CDKL1: variants seen among roughly 807,000 people sequenced by gnomAD.
CDKL1 encodes the protein cyclin-dependent kinase-like 1.
A neutral mutation model predicts 42.0 loss-of-function variants in CDKL1; 41 were observed. The observed-to-expected ratio is 0.98, with a 90% confidence interval of 0.76 to 1.27. The LOEUF is 1.27. Among genes scored for constraint, CDKL1 ranks in the 50% most tolerant of loss-of-function variants. The pLI is 0.00. For missense variants in CDKL1, 394 were observed against 428.4 expected (o/e 0.92, Z 0.71); for synonymous variants, 153 against 158.6 (o/e 0.96, Z 0.26).
At position 50,329,022 on chromosome 14, in the gene CDKL1, AGTT is replaced by A. The variant is rs1370041471; in HGVS notation, c.*1049_*1051del. ...TTTGGACTACTTAGTGTAATATATT[AGTT>A]GTTAGAATAGCATATATATATATAT... is the stretch of plus-strand genomic sequence containing the variant. On this transcript the variant is annotated 3_prime_UTR_variant, in exon 10 of 10. Coordinates refer to ENST00000395834, the MANE Select transcript of CDKL1 (RefSeq NM_004196.7). The A allele has an allele frequency of 7.2e-6, 1 of 139,212 alleles. No homozygotes were observed. Among genetic ancestry groups the A allele is most frequent in the Non-Finnish European group, 1.5e-5 (1 of 65,818 alleles). 8.6% of individuals were successfully genotyped at this position (139,212 alleles called of 1,614,324 possible).
intron 9 of CDKL1, chr14:50,331,232 CA>C (rs1275059821): frequency 2.0e-5 from 3 of 151,824 alleles, no homozygotes; most frequent in Non-Finnish European, 4.4e-5. Context: ...GACTCAGTCT[CA>C]AAAAAAATCA....
chr14:50,362,056 G>A (rs774056298), intron 2 of CDKL1: 114 of 223,158 alleles, frequency 5.1e-4, no homozygotes, highest in Non-Finnish European at 5.5e-4. Flanking sequence ...GCAGTGAGGG[G>A]CTTAGCACCT....
chr14:50,388,877 A>G (rs2035165016), intron 2 of CDKL1, among the ~76,000 whole-genome samples: 1 of 152,034 alleles, frequency 6.6e-6, no homozygotes, highest in Admixed American at 6.6e-5. Flanking sequence ...AGGGAGGCGG[A>G]TCATGAGATC....
chr14:50,340,306 C>A (rs2033465682), intron 6 of CDKL1, among the ~76,000 whole-genome samples: 1 of 152,158 alleles, frequency 6.6e-6, no homozygotes, highest in South Asian at 2.1e-4. Context: ...TTTACAGTAT[C>A]TTTGGGAAGA....
intron 8 of CDKL1, 136 bp downstream of exon 8, chr14:50,334,429 G>A (rs535081185): frequency 8.8e-6 from 6 of 684,508 alleles, no homozygotes; most frequent in African/African-American, 3.6e-5. Flanking sequence ...GATTACAGGT[G>A]TGAGCCACTG....
intron 2 of CDKL1, chr14:50,378,080 A>C: frequency 5.3e-6 from 6 of 1,138,228 alleles, no homozygotes; most frequent in Non-Finnish European, 7.0e-6. Context: ...ATCTACGAGA[A>C]AGAGCCTGAG....
At chr14:50,337,410 G>A (rs1374903089) in intron 7 of CDKL1, among the ~76,000 whole-genome samples, 1 of 150,344 alleles carries the variant, frequency 6.7e-6, no homozygotes, top group Non-Finnish European at 1.5e-5. Context: ...GGAATGCAGT[G>A]GCATGATCAT....
intron 7 of CDKL1, among the ~76,000 whole-genome samples, chr14:50,337,890 G>A (rs114957345): frequency 0.012 from 1,883 of 151,164 alleles, 39 homozygotes; most frequent in African/African-American, 0.044. Context: ...CTTGTTGCCC[G>A]TGCTGGTCTC....
In CDKL1 at chr14:50,341,088, G is replaced by A. The variant is rs1296863737; in HGVS notation, c.599C>T (p.Pro200Leu). 4 of 1,614,144 alleles carry A rather than the reference G, an allele frequency of 2.5e-6. No homozygotes were observed. Among genetic ancestry groups the A allele is most frequent in the Admixed American group, 1.7e-5 (1 of 60,030 alleles). Reference protein sequence around the residue: ...CVFAELLSGVPLWPGKSDVDQ... With the variant: ...CVFAELLSGVLLWPGKSDVDQ... ...CACATCCGATTTTCCTGGCCACAGA[G>A]GCACTCCTGACAGCAGCTCAGCAAA... Residue 200 changes from proline to leucine, a missense_variant, in exon 6 of 10, where the codon CCT becomes CTT. Transcript: ENST00000395834.
chr14:50,369,559 TTTATAA>T (rs1283818234), intron 2 of CDKL1, among the ~76,000 whole-genome samples: 1 of 148,800 alleles, frequency 6.7e-6, no homozygotes, highest in African/African-American at 2.4e-5. Context: ...AAATATACAA[TTTATAA>T]TTATATATAT....
intron 2 of CDKL1, chr14:50,363,102 G>A (rs1034177336): frequency 9.8e-6 from 3 of 307,228 alleles, no homozygotes; most frequent in Non-Finnish European, 7.4e-6. Flanking sequence ...GCGAAGGTCT[G>A]CAGCTTCACT....
chr14:50,382,053 G>A (rs996037713), intron 2 of CDKL1, among the ~76,000 whole-genome samples: 2 of 152,154 alleles, frequency 1.3e-5, no homozygotes, highest in African/African-American at 2.4e-5. Context: ...GGGACTTTAA[G>A]GTTAATAAGC....
At chr14:50,360,816 G>GTA (rs1446787134) in intron 2 of CDKL1, among the ~76,000 whole-genome samples, 2 of 151,470 alleles carry the variant, frequency 1.3e-5, no homozygotes, top group East Asian at 3.8e-4. Flanking sequence ...GTGTGTGTGT[G>GTA]TGTGTGTGTG....
chr14:50,396,704 C>T (rs11570782), intron 1 of CDKL1, 120 bp downstream of exon 1: 2 of 156,570 alleles, frequency 1.3e-5, no homozygotes, highest in Admixed American at 6.5e-5. Context: ...GCCCCACGCC[C>T]CCGGGACTGG....
chr14:50,351,879 T>C (rs1311279991), intron 3 of CDKL1, among the ~76,000 whole-genome samples: 1 of 152,048 alleles, frequency 6.6e-6, no homozygotes, highest in African/African-American at 2.4e-5. Context: ...CTATAAGTAA[T>C]ATTTACATAG....
At chr14:50,357,697 T>C (rs2139445042) in intron 3 of CDKL1, among the ~76,000 whole-genome samples, 1 of 152,290 alleles carries the variant, frequency 6.6e-6, no homozygotes, top group East Asian at 1.9e-4. Context: ...GATAGTTGCG[T>C]CACCTGAGCT....
intron 2 of CDKL1, among the ~76,000 whole-genome samples, chr14:50,362,729 G>C (rs913866763): frequency 2.0e-5 from 3 of 152,098 alleles, no homozygotes; most frequent in African/African-American, 7.2e-5. Flanking sequence ...TCTAGCTCAG[G>C]GATTGTAAAT....
intron 2 of CDKL1, among the ~76,000 whole-genome samples, chr14:50,384,797 G>A (rs1481540702): frequency 2.0e-5 from 3 of 151,630 alleles, no homozygotes; most frequent in African/African-American, 4.8e-5. Context: ...CGGCTATGGC[G>A]GCTCGGTTCA....
chr14:50,370,462 T>C (rs1413489945), intron 2 of CDKL1, among the ~76,000 whole-genome samples: 1 of 152,144 alleles, frequency 6.6e-6, no homozygotes, highest in African/African-American at 2.4e-5. Context: ...ATTCCTCTTG[T>C]CTAAGATTTT....
Sources: allele counts gnomAD v4.1 joint callset (sites outside exome capture counted in the v4.1 genomes callset), GRCh38; gene constraint gnomAD v4.1.1; transcripts MANE v1.5; gene names NCBI Gene and HGNC (gene_info 2026-07-23, HGNC 2026-07-21).